Variants in PALLD observed in about 807,000 individuals in gnomAD.
PALLD encodes the protein palladin.
PALLD carries 61 observed loss-of-function variants against 123.5 expected under a neutral mutation model. The ratio of observed to expected loss-of-function variants is 0.49; its 90% CI spans 0.40 to 0.61. The LOEUF (loss-of-function observed/expected upper bound fraction) is 0.61. Among genes scored for constraint, PALLD ranks in the 20% least tolerant of loss-of-function variants. The pLI is 0.00. For missense variants in PALLD, 1,273 were observed against 1,377.0 expected, an observed-to-expected ratio of 0.92 and a Z score of 1.20; for synonymous variants, 465 against 496.4, an observed-to-expected ratio of 0.94 and a Z score of 0.84.
chr4:168,887,022 C>G (rs777088125), intron 10 of PALLD, among the ~76,000 whole-genome samples: 6 of 146,194 alleles, frequency 4.1e-5, no homozygotes, highest in Admixed American at 1.4e-4. Flanking sequence ...GAGGCTGAGG[C>G]AGGAGAACTG....
chr4:168,747,830 A>C (rs979906701), intron 10 of PALLD, among the ~76,000 whole-genome samples: 1 of 152,210 alleles, frequency 6.6e-6, no homozygotes, highest in African/African-American at 2.4e-5. Context: ...GAATTCCAAC[A>C]TTTTGAGCAA....
chr4:168,549,475 G>A lies in PALLD; in HGVS notation c.908+37063G>A, dbSNP rs116747910. Among the ~76,000 whole-genome samples the A allele has an allele frequency of 2.6e-3, 393 of 152,096 alleles. 3 individuals are homozygous for A. The highest frequency in any genetic ancestry group is 6.8e-3 in the Middle Eastern group (2 of 292). On this transcript the variant is annotated intron_variant, in intron 2 of 21. Coordinates refer to ENST00000505667, the MANE Select transcript of PALLD (RefSeq NM_001166108.2). ...GATATAATGTCAAGTAAACAAGATA[G>A]CATTAAAATCAACTACTCAATTAAT...
At chr4:168,572,114 T>C (rs553826650) in intron 2 of PALLD, among the ~76,000 whole-genome samples, 1 of 152,252 alleles carries the variant, frequency 6.6e-6, no homozygotes, top group South Asian at 2.1e-4. Context: ...ATCGACTTCC[T>C]GTCCCTCCTG....
intron 10 of PALLD, among the ~76,000 whole-genome samples, chr4:168,733,719 T>C (rs1398902330): frequency 6.6e-6 from 1 of 151,882 alleles, no homozygotes; most frequent in Non-Finnish European, 1.5e-5. Flanking sequence ...GAAATGTTTT[T>C]TGTTGTTGTT....
intron 2 of PALLD, among the ~76,000 whole-genome samples, chr4:168,574,619 G>A (rs1769355046): frequency 6.6e-6 from 1 of 151,978 alleles, no homozygotes; most frequent in Non-Finnish European, 1.5e-5. Flanking sequence ...TCTAACCTGT[G>A]GTAGATGCTC....
chr4:168,895,529 TAAAG>T (rs990964492), intron 12 of PALLD, among the ~76,000 whole-genome samples: 23 of 152,234 alleles, frequency 1.5e-4, no homozygotes, highest in African/African-American at 5.3e-4. Context: ...ACTGTAGTCT[TAAAG>T]TAAGCTAGAG....
At chr4:168,877,674 T>G in intron 10 of PALLD, 1 of 982,450 alleles carries the variant, frequency 1.0e-6, no homozygotes, top group Non-Finnish European at 1.2e-6. Flanking sequence ...GGAATACACG[T>G]TCCTGGCCGT....
At chr4:168,705,882 A>G (rs930864463) in intron 8 of PALLD, among the ~76,000 whole-genome samples, 3 of 152,144 alleles carry the variant, frequency 2.0e-5, no homozygotes, top group African/African-American at 7.2e-5. Flanking sequence ...ACCTCAAGTG[A>G]TCCGCCTGCC....
chr4:168,694,174 A>G (rs1317860581), intron 8 of PALLD, among the ~76,000 whole-genome samples: 4 of 152,234 alleles, frequency 2.6e-5, no homozygotes, highest in African/African-American at 9.6e-5. Flanking sequence ...ATTAAACTAT[A>G]TAGAAGTATG....
At chr4:168,515,646 C>T (rs1762920286) in intron 2 of PALLD, among the ~76,000 whole-genome samples, 1 of 152,120 alleles carries the variant, frequency 6.6e-6, no homozygotes, top group Admixed American at 6.5e-5. Context: ...GGGAATGCGT[C>T]ACAGGAAAAC....
intron 2 of PALLD, among the ~76,000 whole-genome samples, chr4:168,573,755 G>A (rs1769237390): frequency 6.6e-6 from 1 of 152,032 alleles, no homozygotes; most frequent in Non-Finnish European, 1.5e-5. Flanking sequence ...AAGCATAAAG[G>A]TACCCTTCCC....
At chr4:168,896,125 G>C (rs1174220911) in intron 12 of PALLD, among the ~76,000 whole-genome samples, 1 of 151,192 alleles carries the variant, frequency 6.6e-6, no homozygotes, top group Non-Finnish European at 1.5e-5. Flanking sequence ...CATGAGAATC[G>C]CTTGAACCCA....
chr4:168,811,694 A>G (rs74615592), intron 10 of PALLD, among the ~76,000 whole-genome samples: 9,187 of 151,776 alleles, frequency 0.061, 376 homozygotes, highest in South Asian at 0.17. Context: ...CATAATCGCA[A>G]TCATACCACT....
At chr4:168,832,138 C>A (rs1485388745) in intron 10 of PALLD, 2 of 985,354 alleles carry the variant, frequency 2.0e-6, no homozygotes, top group South Asian at 4.7e-5. Flanking sequence ...GACGCGGAAT[C>A]GGGCAGCAGC....
At chr4:168,832,034 G>A in intron 10 of PALLD, 5 of 985,408 alleles carry the variant, frequency 5.1e-6, no homozygotes, top group Non-Finnish European at 6.0e-6. Flanking sequence ...GTGAAGGCTC[G>A]GAGCCTCCTG....
Position 168,822,624 on chromosome 4 carries a change from A to G in PALLD, c.1965-68298A>G, listed in dbSNP as rs143683623. ...TTAAGGGTATCCAAATGAATTAACTATTGTGTTTCACCAACGCTCTAGTAA... is the reference window on the plus strand; with the variant it reads ...TTAAGGGTATCCAAATGAATTAACTGTTGTGTTTCACCAACGCTCTAGTAA... On this transcript the variant is annotated intron_variant, in intron 10 of 21. Transcript: ENST00000505667. Among the ~76,000 whole-genome samples, 417 of 152,330 alleles carry G rather than the reference A, an allele frequency of 2.7e-3. 1 individual carries two copies. Among genetic ancestry groups the G allele is most frequent in the Non-Finnish European group, 4.6e-3 (314 of 68,030 alleles).
chr4:168,759,202 A>AAAAAAAAAATAT (rs1554077926), intron 10 of PALLD, among the ~76,000 whole-genome samples: 1 of 22,304 alleles, frequency 4.5e-5, no homozygotes, highest in African/African-American at 1.4e-4. Context: ...AAAAAAAAAA[A>AAAAAAAAAATAT]ATATATATAT....
chr4:168,805,211 G>A (rs1316143538), intron 10 of PALLD, among the ~76,000 whole-genome samples: 2 of 152,042 alleles, frequency 1.3e-5, no homozygotes, highest in Non-Finnish European at 2.9e-5. Flanking sequence ...TGAGATGGGA[G>A]GCTAAATTGC....
intron 2 of PALLD, among the ~76,000 whole-genome samples, chr4:168,593,732 G>C (rs1212823887): frequency 6.6e-6 from 1 of 152,160 alleles, no homozygotes; most frequent in Non-Finnish European, 1.5e-5. Context: ...CAGATGTTTA[G>C]AACCAATTTG....
Sources: allele counts gnomAD v4.1 joint callset (sites outside exome capture counted in the v4.1 genomes callset), GRCh38; gene constraint gnomAD v4.1.1; transcripts MANE v1.5; gene names NCBI Gene and HGNC (gene_info 2026-07-23, HGNC 2026-07-21).